RIT2: variants seen among roughly 807,000 people sequenced by gnomAD.
The protein encoded by RIT2 is GTP-binding protein Rit2.
Under a neutral mutation model 23.7 loss-of-function variants are expected in RIT2, and 24 were observed. The ratio of observed to expected loss-of-function variants is 1.01; its 90% confidence interval spans 0.73 to 1.43. The LOEUF is 1.43. Among genes scored for constraint, RIT2 ranks in the 40% most tolerant of loss-of-function variants. The pLI, the probability that RIT2 is intolerant of heterozygous loss-of-function variation, is 0.00. For missense variants in RIT2, 236 were observed against 266.9 expected (o/e 0.88, Z 0.81); for synonymous variants, 107 against 91.1 (o/e 1.17, Z -0.99).
intron 2 of RIT2, among the ~76,000 whole-genome samples, chr18:42,976,562 A>G (rs1910482498): frequency 1.3e-5 from 2 of 152,070 alleles, no homozygotes; most frequent in Admixed American, 1.3e-4. Flanking sequence ...TAAAGGTAAC[A>G]ATTATTTGTG....
chr18:42,857,864 T>C (rs908661655), intron 4 of RIT2, among the ~76,000 whole-genome samples: 3 of 152,100 alleles, frequency 2.0e-5, no homozygotes, highest in Admixed American at 6.5e-5. Context: ...TTGGGCTACA[T>C]AGATAAGACC....
chr18:42,891,790 T>C (rs73951771), intron 4 of RIT2, among the ~76,000 whole-genome samples: 2,612 of 152,222 alleles, frequency 0.017, 83 homozygotes, highest in African/African-American at 0.058. Context: ...GCAGTGAAAC[T>C]ATTCAGTATG....
At chr18:43,105,238 T>A (rs1913784590) in intron 1 of RIT2, among the ~76,000 whole-genome samples, 1 of 151,730 alleles carries the variant, frequency 6.6e-6, no homozygotes, top group South Asian at 2.1e-4. Flanking sequence ...GTCACTGAAA[T>A]TACCACTCAG....
chr18:43,103,077 A>G (rs1026956811), intron 1 of RIT2, among the ~76,000 whole-genome samples: 1 of 152,138 alleles, frequency 6.6e-6, no homozygotes, highest in East Asian at 1.9e-4. Context: ...TGGCCTTCAA[A>G]TCCATGGTCA....
chr18:43,030,615 T>C (rs1387393033), intron 2 of RIT2, among the ~76,000 whole-genome samples: 2 of 152,092 alleles, frequency 1.3e-5, no homozygotes, highest in Non-Finnish European at 2.9e-5. Flanking sequence ...AGAAACCAAT[T>C]TTAAAACAAG....
At chr18:42,833,197 AT>A (rs1300207915) in intron 4 of RIT2, among the ~76,000 whole-genome samples, 1 of 151,966 alleles carries the variant, frequency 6.6e-6, no homozygotes, top group Admixed American at 6.6e-5. Flanking sequence ...GTTTACCTCT[AT>A]GAAATCAGTC....
At chr18:42,889,897 A>T (rs1321658798) in intron 4 of RIT2, among the ~76,000 whole-genome samples, 1 of 152,082 alleles carries the variant, frequency 6.6e-6, no homozygotes, top group Non-Finnish European at 1.5e-5. Context: ...ATCACCATTC[A>T]TTTAACCAGA....
intron 1 of RIT2, among the ~76,000 whole-genome samples, chr18:43,071,307 C>T (rs1378727831): frequency 6.6e-6 from 1 of 152,136 alleles, no homozygotes; most frequent in Admixed American, 6.6e-5. Flanking sequence ...GCTTTTATTT[C>T]AACTCTAAGC....
chr18:42,993,473 A>G (rs1027230418), intron 2 of RIT2, among the ~76,000 whole-genome samples: 1 of 152,044 alleles, frequency 6.6e-6, no homozygotes, highest in Non-Finnish European at 1.5e-5. Context: ...CCCACTCCAC[A>G]TTACCTTCTT....
chr18:42,794,548 A>G (rs1181562205), intron 4 of RIT2, among the ~76,000 whole-genome samples: 1 of 152,252 alleles, frequency 6.6e-6, no homozygotes, highest in Admixed American at 6.5e-5. Context: ...ATAAGCAAAC[A>G]TGAGCTTACA....
intron 1 of RIT2, among the ~76,000 whole-genome samples, chr18:43,052,306 T>A (rs1912402344): frequency 6.6e-6 from 1 of 152,220 alleles, no homozygotes; most frequent in South Asian, 2.1e-4. Context: ...AGAAATTTAA[T>A]TAGGATTGTG....
intron 3 of RIT2, among the ~76,000 whole-genome samples, chr18:42,970,482 G>T (rs980966431): frequency 2.0e-5 from 3 of 151,972 alleles, no homozygotes; most frequent in African/African-American, 7.2e-5. Flanking sequence ...ATAATAAGAT[G>T]AAGTGCAGGA....
intron 2 of RIT2, among the ~76,000 whole-genome samples, chr18:42,992,897 C>T (rs1233463768): frequency 7.9e-5 from 12 of 152,120 alleles, no homozygotes; most frequent in Admixed American, 7.9e-4. Flanking sequence ...TATCAATATG[C>T]ATTTTATTTT....
At chr18:42,989,309 G>T (rs535577245) in intron 2 of RIT2, among the ~76,000 whole-genome samples, 29 of 152,242 alleles carry the variant, frequency 1.9e-4, no homozygotes, top group Admixed American at 1.9e-3. Context: ...GTGTTGGGCT[G>T]GGACTGGGAT....
At chr18:42,839,022 C>T (rs1310348407) in intron 4 of RIT2, among the ~76,000 whole-genome samples, 1 of 152,140 alleles carries the variant, frequency 6.6e-6, no homozygotes, top group Non-Finnish European at 1.5e-5. Context: ...ACACCCAGCC[C>T]ATAATGACAA....
chr18:42,984,504 A>T (rs2144218412), intron 2 of RIT2, among the ~76,000 whole-genome samples: 1 of 152,168 alleles, frequency 6.6e-6, no homozygotes, highest in South Asian at 2.1e-4. Flanking sequence ...CCTGTTTGTG[A>T]CACTTCGTTA....
intron 3 of RIT2, among the ~76,000 whole-genome samples, chr18:42,959,048 G>GTTGCAA (rs1910040084): frequency 6.6e-6 from 1 of 152,110 alleles, no homozygotes; most frequent in Non-Finnish European, 1.5e-5. Flanking sequence ...CCTATGCACA[G>GTTGCAA]TTGCAATTGG....
intron 1 of RIT2, among the ~76,000 whole-genome samples, chr18:43,062,941 A>C (rs1912684202): frequency 6.6e-6 from 1 of 152,166 alleles, no homozygotes; most frequent in African/African-American, 2.4e-5. Flanking sequence ...TATTAATAAG[A>C]ATTAGAAAAT....
chr18:42,812,799 T>C (rs1443898755), intron 4 of RIT2, among the ~76,000 whole-genome samples: 1 of 152,202 alleles, frequency 6.6e-6, no homozygotes, highest in African/African-American at 2.4e-5. Context: ...CTTATATTTA[T>C]CCTGCCCAGA....
Sources: gnomAD v4.1 joint callset for allele counts (sites outside exome capture counted in the v4.1 genomes callset) on GRCh38, gnomAD v4.1.1 for gene constraint, MANE v1.5 for transcripts, NCBI Gene and HGNC (gene_info 2026-07-23, HGNC 2026-07-21) for gene names.